The following GLIPR1L2 variants were observed in gnomAD, a reference collection of about 807,000 sequenced individuals.
The protein encoded by GLIPR1L2 is GLIPR1-like protein 2.
GLIPR1L2 carries 21 observed loss-of-function variants against 28.4 expected under a neutral mutation model. The observed-to-expected ratio is 0.74, with a 90% CI of 0.52 to 1.06. GLIPR1L2 has a LOEUF of 1.06. Ranked by LOEUF, GLIPR1L2 falls within the 50% of genes least tolerant of loss-of-function variation. GLIPR1L2 has a pLI of 0.00. For missense variants in GLIPR1L2, 476 were observed against 416.9 expected (o/e 1.14, Z -1.23); for synonymous variants, 145 against 139.3 (o/e 1.04, Z -0.29).
chr12:75,397,193 C>G (rs2139918717), intron 1 of GLIPR1L2, among the ~76,000 whole-genome samples: 1 of 152,128 alleles, frequency 6.6e-6, no homozygotes, highest in East Asian at 1.9e-4. Flanking sequence ...TGTTCATTCA[C>G]TAGTTTTCTC....
chr12:75,398,596 A>G (rs979365304), intron 1 of GLIPR1L2, among the ~76,000 whole-genome samples: 3 of 152,120 alleles, frequency 2.0e-5, no homozygotes, highest in African/African-American at 7.2e-5. Context: ...AGTGATTCCT[A>G]ATTCTAACCT....
intron 1 of GLIPR1L2, among the ~76,000 whole-genome samples, chr12:75,397,470 T>G (rs1445959091): frequency 6.6e-6 from 1 of 152,180 alleles, no homozygotes; most frequent in Middle Eastern, 3.2e-3. Context: ...ATGCTTATTT[T>G]CAGCAGAGAT....
intron 3 of GLIPR1L2, among the ~76,000 whole-genome samples, chr12:75,420,253 G>A (rs368310690): frequency 4.6e-5 from 7 of 152,184 alleles, no homozygotes; most frequent in East Asian, 1.9e-4. Context: ...AGGTTGTCAA[G>A]CTATGGGCTG....
chr12:75,430,805 A>G lies in GLIPR1L2; in HGVS notation c.698-19A>G, dbSNP rs1266387115. On this transcript the variant is annotated intron_variant, in intron 5 of 5. Coordinates refer to ENST00000550916, the MANE Select transcript of GLIPR1L2 (RefSeq NM_001270396.2). ...TGCTTTATATGAAATCCAGCTTTCA[A>G]TTGCTTCTTTGTTTACAGATTACCG... 8 of 1,532,782 alleles carry G rather than the reference A, an allele frequency of 5.2e-6. No individual in the cohort carries two copies. Among genetic ancestry groups the G allele is most frequent in the South Asian group, 1.2e-5 (1 of 83,476 alleles). 94.9% of individuals were successfully genotyped at this position (1,532,782 alleles called of 1,614,324 possible).
At chr12:75,420,078 G>A (rs1436000230) in intron 3 of GLIPR1L2, among the ~76,000 whole-genome samples, 6 of 152,200 alleles carry the variant, frequency 3.9e-5, no homozygotes, top group African/African-American at 1.4e-4. Context: ...ATAAGAAGTA[G>A]TGAAAAATGA....
chr12:75,430,630 T>C (rs890646944), intron 4 of GLIPR1L2, 85 bp from the exon 5 acceptor site: 3 of 1,254,968 alleles, frequency 2.4e-6, no homozygotes, highest in African/African-American at 1.5e-5. Context: ...TAGGAGAAAG[T>C]GACACTATTA....
chr12:75,404,306 A>G (rs1412563196), intron 1 of GLIPR1L2, among the ~76,000 whole-genome samples: 1 of 152,140 alleles, frequency 6.6e-6, no homozygotes, highest in African/African-American at 2.4e-5. Context: ...AAGGAGGTCT[A>G]CTAAAATTGC....
rs1477739221 is a variant in GLIPR1L2, at chr12:75,391,137, C to G, written c.21C>G (p.Phe7Leu). ...GGACCATGGAGGCCGCAAGGCCCTT[C>G]GCCCGGGAGTGGAGGGCCCAGTCCC... MEAARP[F>L]AREWRAQSLP... Residue 7 changes from phenylalanine (F) to leucine (L), a missense_variant, in exon 1 of 6, where the codon TTC (phenylalanine) becomes TTG (leucine). Phe to Leu is a conservative substitution (Grantham distance 22). Transcript: ENST00000550916. The G allele has an allele frequency of 1.9e-6, 3 of 1,613,760 alleles. No homozygotes were observed. The South Asian group carries it at 3.3e-5, about 18-fold the overall frequency.
In GLIPR1L2 at chr12:75,401,424, C is replaced by T. The variant is rs180788943; in HGVS notation, c.235-9010C>T. Among the ~76,000 whole-genome samples, 606 of 151,360 alleles carry T rather than the reference C, an allele frequency of 4.0e-3. 1 individual carries two copies. The highest frequency in any genetic ancestry group is 6.1e-3 in the Non-Finnish European group (413 of 67,726). On this transcript the variant is annotated intron_variant, in intron 1 of 5. Coordinates refer to ENST00000550916, the MANE Select transcript of GLIPR1L2 (RefSeq NM_001270396.2). ...TCCATGAAGATAAAATAAAGGCCTT[C>T]GCACTGGCCAAAATAGAAAATATAT...
intron 1 of GLIPR1L2, among the ~76,000 whole-genome samples, chr12:75,405,925 G>C (rs1594009129): frequency 6.6e-6 from 1 of 151,100 alleles, no homozygotes; most frequent in Non-Finnish European, 1.5e-5. Flanking sequence ...ACTAGAATTT[G>C]ATTTTTTCTC....
intron 4 of GLIPR1L2, among the ~76,000 whole-genome samples, chr12:75,429,919 C>G (rs1594036030): frequency 2.0e-5 from 2 of 101,952 alleles, no homozygotes; most frequent in African/African-American, 6.7e-5. Flanking sequence ...TAAACCTTTT[C>G]TTTTCTTTTC....
chr12:75,405,910 GCAAAA>G (rs1327233318), intron 1 of GLIPR1L2, among the ~76,000 whole-genome samples: 1 of 151,586 alleles, frequency 6.6e-6, no homozygotes, highest in Non-Finnish European at 1.5e-5. Flanking sequence ...GTACACTGAT[GCAAAA>G]CTAGAATTTG....
chr12:75,410,894 C>T (rs2045860272), intron 2 of GLIPR1L2, among the ~76,000 whole-genome samples: 1 of 151,654 alleles, frequency 6.6e-6, no homozygotes, highest in Non-Finnish European at 1.5e-5. Context: ...ATATAGTAAA[C>T]CTAATCTCCA....
chr12:75,395,229 T>C (rs1023995938), intron 1 of GLIPR1L2, among the ~76,000 whole-genome samples: 7 of 152,066 alleles, frequency 4.6e-5, no homozygotes, highest in Non-Finnish European at 1.5e-5. Flanking sequence ...TTCTATCACA[T>C]TGATTAATTT....
intron 3 of GLIPR1L2, among the ~76,000 whole-genome samples, chr12:75,420,838 T>A (rs1295419814): frequency 6.6e-6 from 1 of 152,200 alleles, no homozygotes; most frequent in African/African-American, 2.4e-5. Context: ...CTAATAGAAA[T>A]AATGATTATA....
At chr12:75,420,362 C>G (rs2045964789) in intron 3 of GLIPR1L2, among the ~76,000 whole-genome samples, 1 of 152,284 alleles carries the variant, frequency 6.6e-6, no homozygotes, top group South Asian at 2.1e-4. Flanking sequence ...TTTTGAAAGA[C>G]TGTGTATCTA....
chr12:75,417,633 A>G (rs1398662612), intron 3 of GLIPR1L2, among the ~76,000 whole-genome samples: 1 of 152,184 alleles, frequency 6.6e-6, no homozygotes, highest in Non-Finnish European at 1.5e-5. Context: ...GGAAATATGT[A>G]TGGCATATAA....
Position 75,430,907 on chromosome 12 carries a change from A to C in GLIPR1L2, c.781A>C (p.Ile261Leu). 2 of 1,535,766 alleles carry C rather than the reference A, an allele frequency of 1.3e-6. No homozygotes were observed. Residue 261 changes from isoleucine (I) to leucine (L), a missense_variant, in exon 6 of 6, where the codon ATA becomes CTA. Transcript: ENST00000550916. The stretch of plus-strand genomic sequence containing the variant: ...GTGCACATTCATTTTATTATTGAGA[A>C]TATTATGTTTTATCCTGTGTGTCAT... ...PLCTFILLLR[I>L]LCFILCVITV...
At chr12:75,427,996 C>G (rs1248068570) in intron 4 of GLIPR1L2, among the ~76,000 whole-genome samples, 5 of 152,120 alleles carry the variant, frequency 3.3e-5, no homozygotes, top group Admixed American at 6.6e-5. Context: ...GAAATTGGTA[C>G]CAGTTATAGT....
Sources: gnomAD v4.1 joint callset for allele counts (sites outside exome capture counted in the v4.1 genomes callset) on GRCh38, gnomAD v4.1.1 for gene constraint, MANE v1.5 for transcripts, NCBI Gene and HGNC (gene_info 2026-07-23, HGNC 2026-07-21) for gene names.